The following OSBPL11 variants were observed in gnomAD, a reference collection of about 807,000 sequenced individuals.
OSBPL11 encodes the protein oxysterol binding protein like 11, also known as oxysterol-binding protein-related protein 11.
OSBPL11 carries 33 observed loss-of-function variants against 84.4 expected under a neutral mutation model. The ratio of observed to expected loss-of-function variants is 0.39; its 90% CI spans 0.30 to 0.52. The LOEUF is 0.52. Among genes scored for constraint, OSBPL11 ranks in the 20% least tolerant of loss-of-function variants. The pLI, the probability that OSBPL11 is intolerant of heterozygous loss-of-function variation, is 0.72. For missense variants in OSBPL11, 736 were observed against 901.1 expected, an observed-to-expected ratio of 0.82 and a Z score of 2.35; for synonymous variants, 276 against 310.2, an observed-to-expected ratio of 0.89 and a Z score of 1.16.
In OSBPL11 at chr3:125,578,954, A is replaced by G; in HGVS notation, c.489+6T>C. 6.6e-7 allele frequency: 1 copy of G among 1,524,078 alleles called. No homozygotes were observed. The highest frequency in any genetic ancestry group is 8.9e-7 in the Non-Finnish European group (1 of 1,127,456). 94.4% of individuals were successfully genotyped at this position (1,524,078 alleles called of 1,614,324 possible). The stretch of plus-strand genomic sequence containing the variant: ...GTATATTAATATTGTATATAAATCT[A>G]CATACCTTTCCAATAGCTTCAGTAT... On this transcript the variant is annotated splice_donor_region_variant and intron_variant, in intron 4 of 12. Coordinates refer to ENST00000296220, the MANE Select transcript of OSBPL11 (RefSeq NM_022776.5).
intron 6 of OSBPL11, among the ~76,000 whole-genome samples, chr3:125,566,789 T>C (rs917461857): frequency 6.6e-6 from 1 of 151,630 alleles, no homozygotes; most frequent in African/African-American, 2.4e-5. Flanking sequence ...TGTATATATA[T>C]ATATATTTTT....
At chr3:125,543,719 G>A (rs1216041640) in intron 10 of OSBPL11, among the ~76,000 whole-genome samples, 3 of 151,950 alleles carry the variant, frequency 2.0e-5, no homozygotes, top group African/African-American at 7.2e-5. Context: ...TGGCCAACAT[G>A]GCGAAACCCC....
At chr3:125,541,283 A>G (rs1935725589) in intron 10 of OSBPL11, among the ~76,000 whole-genome samples, 1 of 152,228 alleles carries the variant, frequency 6.6e-6, no homozygotes, top group Non-Finnish European at 1.5e-5. Context: ...ATAGCCCCAG[A>G]TAGCACTTAG....
At chr3:125,590,083 C>T (rs951997725) in intron 1 of OSBPL11, among the ~76,000 whole-genome samples, 1 of 152,010 alleles carries the variant, frequency 6.6e-6, no homozygotes, top group East Asian at 1.9e-4. Context: ...ATAATGAAAA[C>T]ATGCATATTT....
In OSBPL11 at chr3:125,567,456, T is replaced by C. The variant is rs1201539383; in HGVS notation, c.806A>G (p.Asn269Ser). The C allele has an allele frequency of 1.2e-6, 2 of 1,614,164 alleles. No homozygotes were observed. Among genetic ancestry groups the C allele is most frequent in the East Asian group, 4.5e-5 (2 of 44,882 alleles). Residue 269 changes from asparagine (N) to serine (S), a missense_variant, in exon 6 of 13, where the codon AAT becomes AGT. Physicochemically the swap from Asn to Ser is conservative, Grantham distance 46. Transcript: ENST00000296220. ...TAACTGGAGAATATGAAAGCAGTCATTTAAGCAGTTCATAGTTGCCATGGA... is the reference window on the plus strand; with the variant it reads ...TAACTGGAGAATATGAAAGCAGTCACTTAAGCAGTTCATAGTTGCCATGGA... ...ATSMATMNCL[N>S]DCFHILQLQH...
intron 1 of OSBPL11, among the ~76,000 whole-genome samples, chr3:125,586,029 G>C (rs768919447): frequency 6.6e-6 from 1 of 152,110 alleles, no homozygotes; most frequent in Non-Finnish European, 1.5e-5. Context: ...TTGAGTCCAG[G>C]AGTTTGAGAC....
chr3:125,541,289 C>T (rs1935725710), intron 10 of OSBPL11, among the ~76,000 whole-genome samples: 1 of 152,182 alleles, frequency 6.6e-6, no homozygotes, highest in Non-Finnish European at 1.5e-5. Flanking sequence ...CCAGATAGCA[C>T]TTAGCAGAAT....
intron 6 of OSBPL11, among the ~76,000 whole-genome samples, chr3:125,566,794 A>AT (rs935625119): frequency 1.7e-4 from 25 of 144,642 alleles, no homozygotes; most frequent in South Asian, 1.1e-3. Flanking sequence ...ATATATATAT[A>AT]TTTTTTTTTT....
chr3:125,573,721 G>A (rs906314143), intron 5 of OSBPL11, among the ~76,000 whole-genome samples: 6 of 151,622 alleles, frequency 4.0e-5, no homozygotes, highest in Admixed American at 6.6e-5. Flanking sequence ...AAAATTAGCC[G>A]GGCATGGTGG....
rs141428203 is a variant in OSBPL11, at chr3:125,546,251, GC to G, written c.1841+1154del. Among the ~76,000 whole-genome samples, 1,068 of 146,282 alleles carry G rather than the reference GC, an allele frequency of 7.3e-3. 9 individuals carry two copies. The highest frequency in any genetic ancestry group is 0.028 in the Middle Eastern group (8 of 284). On this transcript the variant is annotated intron_variant, in intron 10 of 12. Transcript: ENST00000296220. The stretch of plus-strand genomic sequence containing the variant: ...CACAGTGGCACAATCACGGCTCATT[GC>G]AACCTCTGCCTCCCAGGTTCAAGCA...
chr3:125,533,477 G>A (rs1224657798), intron 11 of OSBPL11, among the ~76,000 whole-genome samples: 6 of 151,842 alleles, frequency 4.0e-5, no homozygotes, highest in East Asian at 1.9e-4. Flanking sequence ...CGCCCACCTC[G>A]GCCTCCCAAA....
At chr3:125,554,577 A>G (rs916759747) in intron 8 of OSBPL11, among the ~76,000 whole-genome samples, 2 of 152,224 alleles carry the variant, frequency 1.3e-5, no homozygotes, top group Non-Finnish European at 2.9e-5. Flanking sequence ...ACCTCTAACT[A>G]GGAATATAAA....
At chr3:125,546,243 G>A (rs1342140862) in intron 10 of OSBPL11, among the ~76,000 whole-genome samples, 5 of 149,224 alleles carry the variant, frequency 3.4e-5, no homozygotes, top group African/African-American at 1.0e-4. Context: ...GCACAATCAC[G>A]GCTCATTGCA....
intron 10 of OSBPL11, among the ~76,000 whole-genome samples, chr3:125,545,731 G>A (rs1236788350): frequency 6.6e-6 from 1 of 152,106 alleles, no homozygotes; most frequent in Non-Finnish European, 1.5e-5. Context: ...AATGGGAACA[G>A]AAGGTGGACA....
chr3:125,579,017 C>T lies in OSBPL11; in HGVS notation c.432G>A (p.Gln144=). The T allele has an allele frequency of 1.3e-6, 2 of 1,594,616 alleles. No homozygotes were observed. Among genetic ancestry groups the T allele is most frequent in the East Asian group, 2.3e-5 (1 of 44,190 alleles). ...KLRATDAKER[Q]HWVSRLQICT... is the part of the protein sequence containing the mutation. ...ATATCTGAAGTCTGCTAACCCAGTG[C>T]TGTCGCTCTTTTGCATCTGTAGCTG... Residue 144 remains glutamine, a synonymous_variant, in exon 4 of 13, where the codon CAG becomes CAA. Transcript: ENST00000296220.
chr3:125,542,604 G>A (rs1326779880), intron 10 of OSBPL11, among the ~76,000 whole-genome samples: 1 of 151,786 alleles, frequency 6.6e-6, no homozygotes, highest in Non-Finnish European at 1.5e-5. Flanking sequence ...CGCCTCCCAG[G>A]TTCACGCCAT....
intron 2 of OSBPL11, among the ~76,000 whole-genome samples, chr3:125,580,739 G>A (rs951019984): frequency 4.6e-5 from 7 of 151,990 alleles, no homozygotes; most frequent in Non-Finnish European, 7.4e-5. Context: ...AAAATTCACC[G>A]GAAATAAATC....
At chr3:125,594,133 G>T (rs1936644694) in intron 1 of OSBPL11, among the ~76,000 whole-genome samples, 4 of 152,100 alleles carry the variant, frequency 2.6e-5, no homozygotes, top group African/African-American at 9.7e-5. Flanking sequence ...CTCTACCTTT[G>T]TCCTTGCATT....
In OSBPL11 at chr3:125,541,618, C is replaced by G. The variant is rs1025854868; in HGVS notation, c.1842-2985G>C. On this transcript the variant is annotated intron_variant, in intron 10 of 12. Transcript: ENST00000296220. Reference sequence around the variant, plus strand: ...TTGGAGACAAAGTCCTGCTCCGTCACCCAGGCTGGACTTCAGTGGTGAAAT... The same window carrying G: ...TTGGAGACAAAGTCCTGCTCCGTCAGCCAGGCTGGACTTCAGTGGTGAAAT... Among the ~76,000 whole-genome samples, 33 of 152,194 alleles carry G rather than the reference C, an allele frequency of 2.2e-4. 1 individual carries two copies. Among genetic ancestry groups the G allele is most frequent in the Non-Finnish European group, 1.5e-5 (1 of 68,026 alleles).
Sources: allele counts gnomAD v4.1 joint callset (sites outside exome capture counted in the v4.1 genomes callset), GRCh38; gene constraint gnomAD v4.1.1; transcripts MANE v1.5; gene names NCBI Gene and HGNC (gene_info 2026-07-23, HGNC 2026-07-21).